Variants in PARP15 observed in about 807,000 individuals in gnomAD.
The protein encoded by PARP15 is poly(ADP-ribose) polymerase family member 15.
A neutral mutation model predicts 62.1 loss-of-function variants in PARP15; 50 were observed. The observed-to-expected ratio is 0.81, with a 90% CI of 0.64 to 1.02. PARP15 has a LOEUF of 1.02. Among genes scored for constraint, PARP15 ranks in the 50% least tolerant of loss-of-function variants. The pLI, the probability that PARP15 is intolerant of heterozygous loss-of-function variation, is 0.00. For synonymous variants in PARP15, 309 were observed against 293.1 expected, an observed-to-expected ratio of 1.05 and a Z score of -0.55; for missense variants, 820 against 826.5, an observed-to-expected ratio of 0.99 and a Z score of 0.10.
chr3:122,593,257 G>A (rs2107482416), intron 1 of PARP15, among the ~76,000 whole-genome samples: 1 of 152,170 alleles, frequency 6.6e-6, no homozygotes, highest in Non-Finnish European at 1.5e-5. Context: ...TCCTGCTTCA[G>A]CATCCCGAGT....
rs114701899 is a variant in PARP15, at chr3:122,621,755, G to A, written c.1231+144G>A. ...AGAGAGGGAGCCATCTTTTAGATCT[G>A]GAGGGCACCACCAGCTACTGGGCCG... is the stretch of plus-strand genomic sequence containing the variant. On this transcript the variant is annotated intron_variant, in intron 8 of 11. Transcript: ENST00000464300. 1,019 of 694,432 alleles carry A rather than the reference G, an allele frequency of 1.5e-3. 7 individuals carry two copies. The highest frequency in any genetic ancestry group is 0.013 in the African/African-American group (708 of 53,346). The allele number at this position is 694,432 out of a possible 1,614,324, so 43.0% of individuals were successfully genotyped here. A position where few individuals can be genotyped will look rare whatever the true frequency, so the allele number is the denominator to read the frequency against.
chr3:122,585,201 C>T (rs761355528), intron 1 of PARP15, among the ~76,000 whole-genome samples: 1 of 152,120 alleles, frequency 6.6e-6, no homozygotes, highest in Non-Finnish European at 1.5e-5. Context: ...AGTCAGCTGA[C>T]ACAGACAGGA....
intron 1 of PARP15, among the ~76,000 whole-genome samples, chr3:122,586,161 G>A (rs997188056): frequency 9.9e-5 from 15 of 152,018 alleles, no homozygotes; most frequent in African/African-American, 3.6e-4. Context: ...AACTTTCCCA[G>A]CAATATTTAT....
chr3:122,581,276 G>T (rs1331919703), intron 1 of PARP15, among the ~76,000 whole-genome samples: 1 of 152,020 alleles, frequency 6.6e-6, no homozygotes, highest in African/African-American at 2.4e-5. Flanking sequence ...ATTTTTTTGG[G>T]ACTGCCATGC....
At position 122,632,150 on chromosome 3, in the gene PARP15, A is replaced by G. The variant is rs1273405511; in HGVS notation, c.1503A>G (p.Pro501=). Residue 501 remains proline, a synonymous_variant, in exon 10 of 12, where the codon CCA becomes CCG. Coordinates refer to ENST00000464300, the MANE Select transcript of PARP15 (RefSeq NM_001113523.3). ...TGTTTTGCATGGTCCAGCTAGAGCC[A>G]GGACAATCAGAATATAATACCATAA... ...HQLFCMVQLE[P]GQSEYNTIKD... 3 of 1,613,812 alleles carry G rather than the reference A, an allele frequency of 1.9e-6. No homozygotes were observed. The South Asian group carries it at 3.3e-5, about 18-fold the overall frequency.
chr3:122,631,595 C>T (rs1277241544), intron 9 of PARP15, among the ~76,000 whole-genome samples: 3 of 152,204 alleles, frequency 2.0e-5, no homozygotes, highest in African/African-American at 7.2e-5. Flanking sequence ...AGCATTCTCT[C>T]AGCACATCTG....
chr3:122,599,439 A>G (rs1444781438), intron 1 of PARP15, among the ~76,000 whole-genome samples: 1 of 151,496 alleles, frequency 6.6e-6, no homozygotes, highest in African/African-American at 2.4e-5. Flanking sequence ...CTGGATAACA[A>G]TGGCAAAGTT....
At chr3:122,624,654 C>T (rs1053279470) in intron 8 of PARP15, among the ~76,000 whole-genome samples, 1 of 152,122 alleles carries the variant, frequency 6.6e-6, no homozygotes, top group African/African-American at 2.4e-5. Flanking sequence ...TGAATTAAGA[C>T]CACTGTTTCC....
chr3:122,605,624 A>G (rs1935109178), intron 1 of PARP15, among the ~76,000 whole-genome samples: 1 of 152,046 alleles, frequency 6.6e-6, no homozygotes. Context: ...CGCAGGCTGG[A>G]GTGCAGTGGT....
In PARP15 at chr3:122,610,573, C is replaced by G; in HGVS notation, c.386C>G (p.Ala129Gly). The change falls in exon 3 of 12, where the codon GCT (alanine) becomes GGT (glycine). Residue 129 changes from alanine (A) to glycine (G), a missense_variant. Coordinates refer to ENST00000464300, the MANE Select transcript of PARP15 (RefSeq NM_001113523.3). ...CTATCTCGGGCATTTTTGCAGAAAG[C>G]TGGTCCCATGCTCCAGAAAGAGTTA... ...GPLSRAFLQK[A>G]GPMLQKELDD... is the part of the protein sequence containing the mutation. 6.4e-7 allele frequency: 1 copy of G among 1,551,716 alleles called. No individual in the cohort carries two copies. Among genetic ancestry groups the G allele is most frequent in the Admixed American group, 2.0e-5 (1 of 51,002 alleles).
At chr3:122,585,286 G>GC (rs1384826760) in intron 1 of PARP15, among the ~76,000 whole-genome samples, 4 of 152,230 alleles carry the variant, frequency 2.6e-5, no homozygotes, top group African/African-American at 7.2e-5. Flanking sequence ...GGTCAAAGCT[G>GC]CAGAGAGTAG....
chr3:122,588,093 T>C (rs1450474941), intron 1 of PARP15, among the ~76,000 whole-genome samples: 2 of 152,208 alleles, frequency 1.3e-5, no homozygotes, highest in East Asian at 3.8e-4. Context: ...AAGTTCCTAA[T>C]CATTTCCTTT....
intron 1 of PARP15, among the ~76,000 whole-genome samples, chr3:122,585,934 A>T (rs189443289): frequency 2.0e-5 from 3 of 152,338 alleles, no homozygotes; most frequent in African/African-American, 7.2e-5. Context: ...ATTTTATGCG[A>T]ATCCCTATCA....
At chr3:122,609,157 ATTTTGTTTTG>A (rs968807687) in intron 2 of PARP15, among the ~76,000 whole-genome samples, 7 of 152,058 alleles carry the variant, frequency 4.6e-5, no homozygotes, top group African/African-American at 1.4e-4. Context: ...GCTAGATCTA[ATTTTGTTTTG>A]TTTTGTTTTG....
At chr3:122,584,574 C>CTTTTT (rs1295988177) in intron 1 of PARP15, among the ~76,000 whole-genome samples, 4 of 136,654 alleles carry the variant, frequency 2.9e-5, no homozygotes, top group African/African-American at 8.2e-5. Flanking sequence ...CATTTCTTTC[C>CTTTTT]TTTTTTTTTT....
chr3:122,627,980 A>G (rs1030324606), intron 9 of PARP15, among the ~76,000 whole-genome samples: 1 of 152,214 alleles, frequency 6.6e-6, no homozygotes, highest in Non-Finnish European at 1.5e-5. Context: ...AAGCCCACAC[A>G]TTCCTGGGTT....
rs545378088 is a variant in PARP15 at position 122,619,776 on chromosome 3, T to C, written c.1001-5T>C. 9.9e-6 allele frequency: 16 copies of C among 1,608,132 alleles called. No homozygotes were observed. The African/African-American group carries it at 1.3e-4, about 13-fold the overall frequency. On this transcript the variant is annotated splice_region_variant and splice_polypyrimidine_tract_variant and intron_variant, in intron 6 of 11. Transcript: ENST00000464300. ...TGCCTTTTACCATTAACATGTCTTA[T>C]TTAGGTGTGTCAAGAGCTATTTTAG...
Position 122,615,857 on chromosome 3 carries a change from G to C in PARP15, c.850G>C (p.Gly284Arg). 1 of 1,610,740 alleles carries C rather than the reference G, an allele frequency of 6.2e-7. No homozygotes were observed. Residue 284 changes from glycine to arginine, a missense_variant and splice_region_variant, in exon 5 of 12, where the codon GGT becomes CGT. By Grantham distance (125) the Gly-to-Arg change is moderately radical (BLOSUM62 -2). This residue lies in a region of PARP15 where 731 missense variants were observed against 727.7 expected (regional missense o/e 1.00). Coordinates refer to ENST00000464300, the MANE Select transcript of PARP15 (RefSeq NM_001113523.3). The part of the protein sequence containing the change: ...ARIPMAGDTQ[G>R]VVGTVSKPCF... ...GATTCCCATGGCAGGAGATACCCAAGGTCTGGTAAAGTCGTTCTGCTAAGG... is the reference window on the plus strand; with the variant it reads ...GATTCCCATGGCAGGAGATACCCAACGTCTGGTAAAGTCGTTCTGCTAAGG...
intron 1 of PARP15, among the ~76,000 whole-genome samples, chr3:122,590,286 A>T (rs1933794546): frequency 6.7e-6 from 1 of 149,790 alleles, no homozygotes; most frequent in Admixed American, 6.7e-5. Flanking sequence ...TAATATATAT[A>T]TTTTGAGATG....
Sources: gnomAD v4.1 joint callset for allele counts (sites outside exome capture counted in the v4.1 genomes callset) on GRCh38, gnomAD v4.1.1 for gene constraint, gnomAD v4.1.1 regional missense constraint, MANE v1.5 for transcripts, NCBI Gene and HGNC (gene_info 2026-07-23, HGNC 2026-07-21) for gene names.